FKBP11: variants seen among roughly 807,000 people sequenced by gnomAD.
FKBP11 encodes peptidyl-prolyl cis-trans isomerase FKBP11.
FKBP11 carries 21 observed loss-of-function variants against 24.7 expected under a neutral mutation model. The ratio of observed to expected loss-of-function variants is 0.85; its 90% CI spans 0.60 to 1.23. The LOEUF (loss-of-function observed/expected upper bound fraction) is 1.23. Ranked by LOEUF, FKBP11 falls within the 50% of genes most tolerant of loss-of-function variation. FKBP11 has a pLI of 0.00. For synonymous variants in FKBP11, 106 were observed against 100.6 expected, an observed-to-expected ratio of 1.05 and a Z score of -0.32; for missense variants, 245 against 248.7, an observed-to-expected ratio of 0.99 and a Z score of 0.10.
the FKBP11 span, chr12:48,936,725 A>T: frequency 6.6e-6 from 1 of 152,348 alleles, no homozygotes; most frequent in African/African-American, 2.4e-5. Flanking sequence ...AGAGAAAGTC[A>T]GGGAATGAGG....
In FKBP11 at chr12:48,925,451, C is replaced by CG. The variant is rs1939944561; in HGVS notation, c.-24dup. 6.5e-7 allele frequency: 1 copy of CG among 1,547,346 alleles called. No individual in the cohort carries two copies. The highest frequency in any genetic ancestry group is 2.0e-5 in the Admixed American group (1 of 50,920). ...CATGACTGGGCGCGGGGCAGGGAGC[C>CG]GGGGCACCAGGACAGGCTGTTCGGG... On this transcript the variant is annotated 5_prime_UTR_variant, in exon 1 of 6. Transcript: ENST00000550765.
chr12:48,933,059 C>T, the FKBP11 span, among the ~76,000 whole-genome samples: 1 of 152,212 alleles, frequency 6.6e-6, no homozygotes, highest in Non-Finnish European at 1.5e-5. Flanking sequence ...CACACACAAA[C>T]AGACACTCAT....
chr12:48,924,007 T>C, intron 4 of FKBP11, 155 bp from the exon 5 acceptor site: 1 of 892,256 alleles, frequency 1.1e-6, no homozygotes, highest in Non-Finnish European at 1.9e-6. Flanking sequence ...AGCAAAGGTG[T>C]CCATCTCCCC....
At chr12:48,931,046 G>A (rs888982723), upstream of FKBP11, among the ~76,000 whole-genome samples, 7 of 145,540 alleles carry the variant, frequency 4.8e-5, no homozygotes, top group South Asian at 2.2e-4. Flanking sequence ...GGAGAATGGC[G>A]TGAACCCAGG....
rs1452517247 is a variant in FKBP11, at chr12:48,925,258, G to A, written c.129+42C>T. On this transcript the variant is annotated intron_variant, in intron 1 of 5. Transcript: ENST00000550765. Reference sequence around the variant, plus strand: ...AGACCCCAGTATTACCACCCAACAAGGCTCGGCCCACGGGGGCTGAGGGTC... The same window carrying A: ...AGACCCCAGTATTACCACCCAACAAAGCTCGGCCCACGGGGGCTGAGGGTC... 3.7e-6 allele frequency: 6 copies of A among 1,604,694 alleles called. No homozygotes were observed. The South Asian group carries it at 6.7e-5, about 18-fold the overall frequency.
rs1565701065 is a variant in FKBP11, at chr12:48,925,363, C to T, written c.66G>A (p.Val22=). The part of the protein sequence containing the change: ...LLLLLLLSAA[V]CRAEAGLETE... ...TTTCGAGCCCAGCCTCAGCCCGGCA[C>T]ACCGCCGCACTGAGCAGCAGCAGCA... The change falls in exon 1 of 6, where the codon GTG becomes GTA. Residue 22 remains valine, a synonymous_variant. Coordinates refer to ENST00000550765, the MANE Select transcript of FKBP11 (RefSeq NM_016594.3). 1.2e-6 allele frequency: 2 copies of T among 1,605,868 alleles called. No homozygotes were observed. Among genetic ancestry groups the T allele is most frequent in the Admixed American group, 1.7e-5 (1 of 58,500 alleles).
intron 4 of FKBP11, 102 bp from the exon 5 acceptor site, chr12:48,923,954 C>T (rs572498728): frequency 8.2e-7 from 1 of 1,220,264 alleles, no homozygotes; most frequent in South Asian, 1.2e-5. Flanking sequence ...ATCTTCACAC[C>T]CAAAACACGA....
rs1565700997 is a variant in FKBP11 at position 48,925,309 on chromosome 12, C to T, written c.120G>A (p.Val40=). Residue 40 remains valine, a synonymous_variant, in exon 1 of 6, where the codon GTG becomes GTA. Coordinates refer to ENST00000550765, the MANE Select transcript of FKBP11 (RefSeq NM_016594.3). ...GGGACTATCTCCTCACCAGGGTCTC[C>T]ACTTGGAGGGTCCGGACGGGACTTT... is the stretch of plus-strand genomic sequence containing the variant. The part of the protein sequence containing the change: ...ETESPVRTLQ[V]ETLVEPPEPC... 3.1e-6 allele frequency: 5 copies of T among 1,612,044 alleles called. No homozygotes were observed. The highest frequency in any genetic ancestry group is 4.2e-6 in the Non-Finnish European group (5 of 1,179,532).
chr12:48,931,437 G>A, upstream of FKBP11: 1 of 1,536,080 alleles, frequency 6.5e-7, no homozygotes, highest in South Asian at 1.2e-5. Context: ...TCTGCACCCT[G>A]GAGGGACCAG....
chr12:48,930,628 C>T (rs1940035620), upstream of FKBP11, among the ~76,000 whole-genome samples: 1 of 152,100 alleles, frequency 6.6e-6, no homozygotes, highest in African/African-American at 2.4e-5. Flanking sequence ...TGGGGAAAAA[C>T]TATAAAAGTC....
chr12:48,923,421 T>TTG lies in FKBP11; in HGVS notation c.388+360_388+361insCA, dbSNP rs1555175334. 14 of 1,501,220 alleles carry TTG rather than the reference T, an allele frequency of 9.3e-6. No homozygotes were observed. In the African/African-American group the frequency reaches 2.0e-4, roughly 22 times the overall value. 93.0% of individuals were successfully genotyped at this position (1,501,220 alleles called of 1,614,324 possible). On this transcript the variant is annotated intron_variant, in intron 5 of 5. Transcript: ENST00000550765. ...CCTGATGGAGGCTGAAAGGAAGGGG[T>TTG]GGGGGGTGGCTGTACAGCTGACACA...
the FKBP11 span, among the ~76,000 whole-genome samples, chr12:48,933,081 G>C: frequency 2.0e-5 from 3 of 152,190 alleles, no homozygotes; most frequent in African/African-American, 7.2e-5. Flanking sequence ...TTCAAGCCTT[G>C]ATGGTGAATG....
chr12:48,932,250 T>TATATAC, the FKBP11 span, among the ~76,000 whole-genome samples: 2 of 37,308 alleles, frequency 5.4e-5, no homozygotes, highest in African/African-American at 2.1e-4. Flanking sequence ...TATATATATA[T>TATATAC]ATATATATAT....
chr12:48,926,966 C>T (rs1032736864), upstream of FKBP11, among the ~76,000 whole-genome samples: 39 of 152,292 alleles, frequency 2.6e-4, no homozygotes, highest in Admixed American at 6.5e-4. Context: ...CCCACCACCA[C>T]GCCTGGCTAA....
chr12:48,931,732 G>A, the FKBP11 span: 1 of 468,856 alleles, frequency 2.1e-6, no homozygotes, highest in East Asian at 3.6e-5. Flanking sequence ...CATCAAGGTT[G>A]CATGACTATT....
intron 5 of FKBP11, chr12:48,923,159 A>AAG (rs1555175304): frequency 0.015 from 16,383 of 1,080,272 alleles, 9 homozygotes; most frequent in East Asian, 0.022. Flanking sequence ...AAAAAAAAAA[A>AAG]AAGAATTACG....
At chr12:48,931,340 GAGGAGTGGAGT>G, upstream of FKBP11, 2 of 1,300,242 alleles carry the variant, frequency 1.5e-6, no homozygotes, top group Non-Finnish European at 1.1e-6. Context: ...TGAAGGGGAA[GAGGAGTGGAGT>G]AGGAGAAGGT....
the FKBP11 span, among the ~76,000 whole-genome samples, chr12:48,934,081 A>T: frequency 2.0e-5 from 3 of 152,308 alleles, no homozygotes; most frequent in South Asian, 6.2e-4. Flanking sequence ...GCCTAAAAAC[A>T]TCGAATGTAC....
chr12:48,928,814 CTATCTTTT>C (rs1940013260), upstream of FKBP11, among the ~76,000 whole-genome samples: 1 of 120,332 alleles, frequency 8.3e-6, no homozygotes, highest in Non-Finnish European at 1.8e-5. Flanking sequence ...AAATAAACTT[CTATCTTTT>C]TTTTTTTTTT....
Sources: gnomAD v4.1 joint callset for allele counts (sites outside exome capture counted in the v4.1 genomes callset) on GRCh38, gnomAD v4.1.1 for gene constraint, MANE v1.5 for transcripts, NCBI Gene and HGNC (gene_info 2026-07-23, HGNC 2026-07-21) for gene names.